The following TCF20 variants were observed in gnomAD, a reference collection of about 807,000 sequenced individuals.
The protein encoded by TCF20 is SPRE-binding protein.
Under a neutral mutation model 148.6 loss-of-function variants are expected in TCF20, and 3 were observed. That is an observed-to-expected ratio of 0.02 (90% CI 0.01 to 0.05). TCF20 has a LOEUF of 0.05. Ranked by LOEUF, TCF20 falls within the 10% of genes least tolerant of loss-of-function variation. The pLI, the probability that TCF20 is intolerant of heterozygous loss-of-function variation, is 1.00. For synonymous variants in TCF20, 1,049 were observed against 909.5 expected, an observed-to-expected ratio of 1.15 and a Z score of -2.76; for missense variants, 2,350 against 2,429.3, an observed-to-expected ratio of 0.97 and a Z score of 0.69.
In TCF20 at chr22:42,329,983, T is replaced by G. The variant is rs980263837; in HGVS notation, c.-37+13496A>C. 2.0e-5 allele frequency among the ~76,000 whole-genome samples: 3 copies of G among 152,326 alleles called. No individual in the cohort carries two copies. In the South Asian group the frequency reaches 6.2e-4, roughly 32 times the overall value. The stretch of plus-strand genomic sequence containing the variant: ...GTAATAGGAAACCCACCCAGCCATC[T>G]AGCAGAGGCCCTCGGCTGCCTGTGG... On this transcript the variant is annotated intron_variant, in intron 1 of 1. Coordinates refer to the TCF20 transcript ENST00000515426.
intron 1 of TCF20, among the ~76,000 whole-genome samples, chr22:42,237,466 C>T (rs981347011): frequency 6.6e-6 from 1 of 152,224 alleles, no homozygotes; most frequent in Non-Finnish European, 1.5e-5. Flanking sequence ...CCCTCAAAGT[C>T]ATCCATGAGG....
chr22:42,238,087 T>C (rs925558036), intron 1 of TCF20, among the ~76,000 whole-genome samples: 11 of 152,248 alleles, frequency 7.2e-5, no homozygotes, highest in African/African-American at 1.9e-4. Flanking sequence ...TGGCATCTTT[T>C]CTGACATAAG....
chr22:42,292,378 G>T lies in TCF20; in HGVS notation c.-37+51101C>A, dbSNP rs1927148898. ...GATGCCACAGAAGGAGCCCTTTCTG[G>T]CCTCATCCTGCCCTGCAGTCCCCAA... On this transcript the variant is annotated intron_variant, in intron 1 of 1. Transcript: ENST00000515426. The surrounding 1 kb of genome is among the most constrained non-coding windows in gnomAD (Gnocchi z 4.9). Among the ~76,000 whole-genome samples, 1 of 152,182 alleles carries T rather than the reference G, an allele frequency of 6.6e-6. No homozygotes were observed. Among genetic ancestry groups the T allele is most frequent in the African/African-American group, 2.4e-5 (1 of 41,458 alleles).
rs1002883635 is a variant in TCF20 at position 42,329,536 on chromosome 22, TG to T, written c.-37+13942del. Among the ~76,000 whole-genome samples, 45 of 152,312 alleles carry T rather than the reference TG, an allele frequency of 3.0e-4. 1 individual carries two copies. Among genetic ancestry groups the T allele is most frequent in the African/African-American group, 1.0e-3 (42 of 41,562 alleles). On this transcript the variant is annotated intron_variant, in intron 1 of 1. Transcript: ENST00000515426. The stretch of plus-strand genomic sequence containing the variant: ...GAATGCCGAGCCAGAACGTGGGCTT[TG>T]TGCAGTGGTAACAGGGAGCTATGGA...
At chr22:42,288,468 G>A (rs557794717), upstream of TCF20, among the ~76,000 whole-genome samples, 3 of 150,722 alleles carry the variant, frequency 2.0e-5, no homozygotes, top group East Asian at 3.9e-4. Context: ...CCCAGGAGGT[G>A]GAGGCTGCAG....
At chr22:42,246,973 T>TAAA (rs745840080) in intron 1 of TCF20, among the ~76,000 whole-genome samples, 9 of 59,908 alleles carry the variant, frequency 1.5e-4, no homozygotes, top group African/African-American at 1.9e-4. Context: ...CTCAAAAAAT[T>TAAA]AAAAAAAAAA....
chr22:42,198,455 C>T (rs759441890), intron 2 of TCF20, among the ~76,000 whole-genome samples: 7 of 152,174 alleles, frequency 4.6e-5, no homozygotes, highest in African/African-American at 9.7e-5. Context: ...CCAAACTCCA[C>T]GGATGCCCAA....
chr22:42,239,202 C>G (rs945495971), intron 1 of TCF20, among the ~76,000 whole-genome samples: 1 of 151,792 alleles, frequency 6.6e-6, no homozygotes, highest in East Asian at 1.9e-4. Context: ...TAAGGCTGGG[C>G]GCGGTGGCTC....
In TCF20 at chr22:42,209,941, G is replaced by A. The variant is rs763979488; in HGVS notation, c.5365C>T (p.Arg1789Cys). 5 of 1,613,932 alleles carry A rather than the reference G, an allele frequency of 3.1e-6. No homozygotes were observed. The highest frequency in any genetic ancestry group is 4.2e-6 in the Non-Finnish European group (5 of 1,180,000). Reference protein sequence around the residue: ...SLAAHPRFKRRHRSEDCGGGP... With the variant: ...SLAAHPRFKRCHRSEDCGGGP... ...CCACCACAGTCTTCCGAGCGGTGGCGCCGCTTAAACCTGGGGTGTGCGGCC... is the reference window on the plus strand; with the variant it reads ...CCACCACAGTCTTCCGAGCGGTGGCACCGCTTAAACCTGGGGTGTGCGGCC... The change falls in exon 2 of 6, where the codon CGC (arginine) becomes TGC (cysteine). Residue 1789 changes from arginine (R) to cysteine (C), a missense_variant. Around this residue, in one of 7 missense-constraint regions of TCF20, gnomAD observed 374 missense variants for 398.3 expected, o/e 0.94. Coordinates refer to ENST00000677622, the MANE Select transcript of TCF20 (RefSeq NM_001378418.1).
At chr22:42,333,856 C>T (rs1487025564) in intron 1 of TCF20, among the ~76,000 whole-genome samples, 1 of 152,224 alleles carries the variant, frequency 6.6e-6, no homozygotes, top group Non-Finnish European at 1.5e-5. Flanking sequence ...GGAGCACCGG[C>T]CCACCACGAT....
chr22:42,285,140 C>G (rs1927003410), upstream of TCF20, among the ~76,000 whole-genome samples: 1 of 152,214 alleles, frequency 6.6e-6, no homozygotes, highest in Non-Finnish European at 1.5e-5. The surrounding 1 kb of genome is among the most constrained non-coding windows in gnomAD (Gnocchi z 4.2). Flanking sequence ...TCTGCCTACT[C>G]CACGGCAGGG....
intron 2 of TCF20, among the ~76,000 whole-genome samples, chr22:42,203,084 CTT>C (rs1364444247): frequency 3.3e-5 from 5 of 152,272 alleles, no homozygotes; most frequent in African/African-American, 1.2e-4. Flanking sequence ...CATATAATAA[CTT>C]GTGTGTTGTG....
At chr22:42,222,027 C>T (rs1488844130) in intron 1 of TCF20, among the ~76,000 whole-genome samples, 2 of 152,018 alleles carry the variant, frequency 1.3e-5, no homozygotes, top group African/African-American at 2.4e-5. Context: ...CATGAGCCAC[C>T]GCGCCCGGCC....
At chr22:42,302,117 C>T (rs1432558738) in intron 1 of TCF20, among the ~76,000 whole-genome samples, 1 of 152,154 alleles carries the variant, frequency 6.6e-6, no homozygotes, top group African/African-American at 2.4e-5. Flanking sequence ...GGCAAAGGGG[C>T]CAGTCTGGGA....
At position 42,270,353 on chromosome 22, in the gene TCF20, C is replaced by T. The variant is rs1463087700; in HGVS notation, c.-51G>A. Among the ~76,000 whole-genome samples the T allele has an allele frequency of 1.3e-5, 2 of 151,682 alleles. No homozygotes were observed. The highest frequency in any genetic ancestry group is 2.9e-5 in the Non-Finnish European group (2 of 67,806). Reference sequence around the variant, plus strand: ...GAGGCGGTTACCTGCAGGAGCCCCCCGCCCAGTCCCTCGGCCTCCGCCGGG... The same window carrying T: ...GAGGCGGTTACCTGCAGGAGCCCCCTGCCCAGTCCCTCGGCCTCCGCCGGG... On this transcript the variant is annotated 5_prime_UTR_variant, in exon 1 of 6. Transcript: ENST00000677622.
chr22:42,259,737 G>T (rs569443451), intron 1 of TCF20, among the ~76,000 whole-genome samples: 2 of 152,198 alleles, frequency 1.3e-5, no homozygotes, highest in South Asian at 2.1e-4. Context: ...CCTCAATAAT[G>T]TCACTTAACA....
chr22:42,160,673 T>G lies in TCF20; in HGVS notation c.*730A>C, dbSNP rs923787656. ...AAAAACCATAAATAAATAGTGTTTC[T>G]GGAAATGAAAAAAAATTTATTTTTG... is the stretch of plus-strand genomic sequence containing the variant. On this transcript the variant is annotated 3_prime_UTR_variant, in exon 6 of 6. Coordinates refer to ENST00000677622, the MANE Select transcript of TCF20 (RefSeq NM_001378418.1). The G allele has an allele frequency of 3.3e-5, 5 of 152,476 alleles. No individual in the cohort carries two copies. Among genetic ancestry groups the G allele is most frequent in the African/African-American group, 1.2e-4 (5 of 41,400 alleles). The allele number at this position is 152,476 out of a possible 1,614,324, so 9.4% of individuals were successfully genotyped here.
chr22:42,314,876 C>T (rs78602968), intron 1 of TCF20, among the ~76,000 whole-genome samples: 7,348 of 152,214 alleles, frequency 0.048, 232 homozygotes, highest in South Asian at 0.16. Flanking sequence ...CCAGCCCCGA[C>T]CCAGGGAGGA....
intron 5 of TCF20, among the ~76,000 whole-genome samples, chr22:42,167,559 G>A (rs1935864816): frequency 6.6e-6 from 1 of 152,084 alleles, no homozygotes; most frequent in Non-Finnish European, 1.5e-5. Context: ...TTCCCTTCAT[G>A]CCTCAGTGAC....
Sources: allele counts gnomAD v4.1 joint callset (sites outside exome capture counted in the v4.1 genomes callset), GRCh38; gene constraint gnomAD v4.1.1; regional missense constraint gnomAD v4.1.1; non-coding constraint Gnocchi (gnomAD v3.1); transcripts MANE v1.5; gene names NCBI Gene and HGNC (gene_info 2026-07-23, HGNC 2026-07-21).